The following ASXL2 variants were observed in gnomAD, a reference collection of about 807,000 sequenced individuals.
The protein encoded by ASXL2 is putative Polycomb group protein ASXL2.
In ASXL2, 23 loss-of-function variants were observed where a neutral mutation model predicts 122.0. The ratio of observed to expected loss-of-function variants is 0.19; its 90% CI spans 0.14 to 0.27. ASXL2 has a LOEUF of 0.27. ASXL2 is among the 10% of genes least tolerant of loss of function. ASXL2 has a pLI of 1.00. For missense variants in ASXL2, 1,518 were observed against 1,713.8 expected, an observed-to-expected ratio of 0.89 and a Z score of 2.02; for synonymous variants, 650 against 637.0, an observed-to-expected ratio of 1.02 and a Z score of -0.31.
rs35480086 is a variant in ASXL2 at position 25,734,067 on chromosome 2, T to TAAA, written c.*7959_*7961dup. The TAAA allele has an allele frequency of 1.0e-3, 151 of 150,306 alleles. No homozygotes were observed. The highest frequency in any genetic ancestry group is 3.1e-3 in the African/African-American group (129 of 40,960). 9.3% of individuals were successfully genotyped at this position (150,306 alleles called of 1,614,324 possible). On this transcript the variant is annotated 3_prime_UTR_variant, in exon 13 of 13. Coordinates refer to ENST00000435504, the MANE Select transcript of ASXL2 (RefSeq NM_018263.6). ...AGAATTAAGACAGGTTTTTTTTTTT[T>TAAA]AAAAAAAATAGGTCAAAGCACTTAC...
intron 1 of ASXL2, among the ~76,000 whole-genome samples, chr2:25,853,950 G>A (rs2149197082): frequency 6.6e-6 from 1 of 152,278 alleles, no homozygotes; most frequent in East Asian, 1.9e-4. Flanking sequence ...GATAAAAGGT[G>A]AGGGAAAATG....
chr2:25,792,570 A>G (rs1336838527), intron 5 of ASXL2, among the ~76,000 whole-genome samples: 1 of 152,186 alleles, frequency 6.6e-6, no homozygotes, highest in Non-Finnish European at 1.5e-5. Flanking sequence ...TCATTACATA[A>G]AAGAAACCCA....
At chr2:25,849,560 C>T (rs757225792) in intron 1 of ASXL2, among the ~76,000 whole-genome samples, 1 of 151,986 alleles carries the variant, frequency 6.6e-6, no homozygotes, top group Non-Finnish European at 1.5e-5. Flanking sequence ...CTGCAACCTC[C>T]GCCTCCCAGG....
Position 25,750,284 on chromosome 2 carries a change from TG to T in ASXL2, c.1271del (p.Pro424GlnfsTer2). On this transcript the variant is annotated frameshift_variant, in exon 12 of 13. Coordinates refer to ENST00000435504, the MANE Select transcript of ASXL2 (RefSeq NM_018263.6). LOFTEE classifies it high-confidence loss of function. ...CTTTACACTCTGACTGGGAGACTAC[TG>T]GAACTATTCTGATAAGAGAGGCCTC... ...VSEASLIRIVPVVSQSECKEE... is the reference protein window; with the variant it reads ...VSEASLIRIVXVVSQSECKEE... The T allele has an allele frequency of 6.2e-7, 1 of 1,614,048 alleles. No homozygotes were observed.
At chr2:25,759,398 A>T in intron 9 of ASXL2, 84 bp downstream of exon 9, 1 of 1,337,900 alleles carries the variant, frequency 7.5e-7, no homozygotes, top group Non-Finnish European at 1.0e-6. Flanking sequence ...AAATATTCTT[A>T]CTTCTCACTT....
intron 5 of ASXL2, among the ~76,000 whole-genome samples, chr2:25,779,087 T>TA (rs2088591862): frequency 1.8e-5 from 1 of 57,140 alleles, no homozygotes; most frequent in South Asian, 7.7e-4. Context: ...TTTTCTGATT[T>TA]TTTTTTTTTT....
chr2:25,821,846 T>C (rs138297549), intron 3 of ASXL2, among the ~76,000 whole-genome samples: 1 of 152,222 alleles, frequency 6.6e-6, no homozygotes, highest in Non-Finnish European at 1.5e-5. Context: ...GTGTTCATCT[T>C]TCTGCTGTTT....
intron 1 of ASXL2, among the ~76,000 whole-genome samples, chr2:25,873,052 A>C (rs1414927599): frequency 6.6e-6 from 1 of 152,016 alleles, no homozygotes; most frequent in Non-Finnish European, 1.5e-5. Flanking sequence ...AGCGGTGTAC[A>C]CTGTACCCAA....
intron 5 of ASXL2, among the ~76,000 whole-genome samples, chr2:25,779,595 T>C (rs1382719069): frequency 6.6e-6 from 1 of 152,200 alleles, no homozygotes; most frequent in Non-Finnish European, 1.5e-5. Context: ...AGGGTTTATG[T>C]CTTGTCTCCC....
At chr2:25,760,024 C>T (rs2088213848) in intron 8 of ASXL2, among the ~76,000 whole-genome samples, 1 of 152,050 alleles carries the variant, frequency 6.6e-6, no homozygotes, top group Admixed American at 6.5e-5. Flanking sequence ...ACAAATCATA[C>T]TGACTTCCTT....
Position 25,878,474 on chromosome 2 carries a change from C to T in ASXL2, c.-252G>A. The T allele has an allele frequency of 3.9e-6, 2 of 512,894 alleles. No homozygotes were observed. The highest frequency in any genetic ancestry group is 3.5e-5 in the East Asian group (1 of 28,604). 31.8% of individuals were successfully genotyped at this position (512,894 alleles called of 1,614,324 possible). A position where few individuals can be genotyped will look rare whatever the true frequency, so the allele number is the denominator to read the frequency against. On this transcript the variant is annotated 5_prime_UTR_variant, in exon 1 of 13. Transcript: ENST00000435504. Reference sequence around the variant, plus strand: ...ATTGGGTTCTTACTGTACAGGCTGCCGCTACGGTCATGTGACCGCTCCCGC... The same window carrying T: ...ATTGGGTTCTTACTGTACAGGCTGCTGCTACGGTCATGTGACCGCTCCCGC...
chr2:25,852,341 C>G (rs1030690404), intron 1 of ASXL2, among the ~76,000 whole-genome samples: 8 of 152,198 alleles, frequency 5.3e-5, no homozygotes, highest in Non-Finnish European at 1.0e-4. Flanking sequence ...TTTTCTAACA[C>G]TCGAGAATAA....
Position 25,856,780 on chromosome 2 carries a change from G to A in ASXL2, c.58-11217C>T, listed in dbSNP as rs562091331. 111 of 1,281,044 alleles carry A rather than the reference G, an allele frequency of 8.7e-5. No homozygotes were observed. The African/African-American group carries it at 1.4e-3, about 16-fold the overall frequency. The allele number at this position is 1,281,044 out of a possible 1,614,324, so 79.4% of individuals were successfully genotyped here. ...CTGCAGACCTTCTTCTCAAAGGACT[G>A]GGCAATCCTCTTGGGGTTGGTGACT... On this transcript the variant is annotated intron_variant, in intron 1 of 12. Coordinates refer to ENST00000435504, the MANE Select transcript of ASXL2 (RefSeq NM_018263.6).
rs182511236 is a variant in ASXL2, at chr2:25,812,040, A to G, written c.144-5703T>C. 2.0e-3 allele frequency among the ~76,000 whole-genome samples: 298 copies of G among 152,146 alleles called. 1 individual carries two copies. Among genetic ancestry groups the G allele is most frequent in the Non-Finnish European group, 3.5e-3 (239 of 67,992 alleles). On this transcript the variant is annotated intron_variant, in intron 3 of 12. Coordinates refer to ENST00000435504, the MANE Select transcript of ASXL2 (RefSeq NM_018263.6). ...AGTGCTGGGATTACAGGTGTCAGCCACTGTGCCTGGTCTGATATTGTACTA... is the reference window on the plus strand; with the variant it reads ...AGTGCTGGGATTACAGGTGTCAGCCGCTGTGCCTGGTCTGATATTGTACTA...
intron 1 of ASXL2, chr2:25,856,640 A>C: frequency 1.6e-6 from 2 of 1,251,236 alleles, no homozygotes; most frequent in Non-Finnish European, 2.3e-6. Context: ...AAATGTCCTC[A>C]GTCTCCCCAG....
intron 3 of ASXL2, among the ~76,000 whole-genome samples, chr2:25,811,896 C>T (rs1051754338): frequency 2.6e-5 from 4 of 151,984 alleles, no homozygotes; most frequent in Admixed American, 6.6e-5. Context: ...GGATTAGAGG[C>T]ACACACCACC....
At chr2:25,789,762 T>C (rs1390610553) in intron 5 of ASXL2, among the ~76,000 whole-genome samples, 1 of 152,064 alleles carries the variant, frequency 6.6e-6, no homozygotes, top group African/African-American at 2.4e-5. Flanking sequence ...TCTGAAAAAA[T>C]CCAAACTCCA....
intron 6 of ASXL2, among the ~76,000 whole-genome samples, chr2:25,769,348 A>G (rs887396557): frequency 6.6e-5 from 10 of 152,224 alleles, no homozygotes; most frequent in Non-Finnish European, 1.2e-4. Context: ...CGCAGGCTTC[A>G]GAGATACAAT....
chr2:25,783,543 T>C (rs557838860), intron 5 of ASXL2, among the ~76,000 whole-genome samples: 28 of 151,866 alleles, frequency 1.8e-4, no homozygotes, highest in African/African-American at 6.6e-4. Flanking sequence ...CAGCTATCTA[T>C]TAGTTTACTT....
Sources: allele counts gnomAD v4.1 joint callset (sites outside exome capture counted in the v4.1 genomes callset), GRCh38; gene constraint gnomAD v4.1.1; transcripts MANE v1.5; gene names NCBI Gene and HGNC (gene_info 2026-07-23, HGNC 2026-07-21).